The following PPP2R5E variants were observed in gnomAD, a reference collection of about 807,000 sequenced individuals.
The protein encoded by PPP2R5E is serine/threonine-protein phosphatase 2A 56 kDa regulatory subunit epsilon isoform.
A neutral mutation model predicts 65.3 loss-of-function variants in PPP2R5E; 4 were observed. The ratio of observed to expected loss-of-function variants is 0.06; its 90% confidence interval spans 0.03 to 0.14. PPP2R5E has a LOEUF of 0.14. Among genes scored for constraint, PPP2R5E ranks in the 10% least tolerant of loss-of-function variants. The pLI, the probability that PPP2R5E is intolerant of heterozygous loss-of-function variation, is 1.00. For synonymous variants in PPP2R5E, 183 were observed against 187.4 expected (o/e 0.98, Z 0.19); for missense variants, 274 against 556.1 (o/e 0.49, Z 5.10).
intron 11 of PPP2R5E, among the ~76,000 whole-genome samples, chr14:63,387,089 C>G (rs998491039): frequency 6.6e-6 from 1 of 152,068 alleles, no homozygotes; most frequent in Admixed American, 6.5e-5. Context: ...AATGACGTAA[C>G]TGACACAGAT....
At chr14:63,381,185 T>C (rs1310780183) in intron 13 of PPP2R5E, among the ~76,000 whole-genome samples, 4 of 152,250 alleles carry the variant, frequency 2.6e-5, no homozygotes, top group Non-Finnish European at 5.9e-5. Flanking sequence ...TAAGCATTTA[T>C]TGCAAAGAGT....
intron 4 of PPP2R5E, among the ~76,000 whole-genome samples, chr14:63,417,009 T>A (rs1886731504): frequency 6.6e-6 from 1 of 152,230 alleles, no homozygotes; most frequent in Admixed American, 6.5e-5. Flanking sequence ...TGTCATTTCT[T>A]AAAGATTAGT....
chr14:63,495,906 G>A (rs1891536568), intron 2 of PPP2R5E, among the ~76,000 whole-genome samples: 1 of 151,884 alleles, frequency 6.6e-6, no homozygotes, highest in African/African-American at 2.4e-5. Context: ...GCCCGAGCTG[G>A]TCCCAACTCC....
intron 2 of PPP2R5E, among the ~76,000 whole-genome samples, chr14:63,498,367 A>ATTTCTTTTCT (rs56873987): frequency 3.3e-5 from 5 of 151,396 alleles, no homozygotes; most frequent in East Asian, 1.9e-4. Context: ...TCTTGACATC[A>ATTTCTTTTCT]TTTCTTTTCT....
At chr14:63,410,005 T>C (rs774140474) in intron 5 of PPP2R5E, among the ~76,000 whole-genome samples, 4 of 152,192 alleles carry the variant, frequency 2.6e-5, no homozygotes, top group Non-Finnish European at 4.4e-5. Flanking sequence ...AACCCAAAGC[T>C]TCCTAACTTT....
intron 3 of PPP2R5E, 156 bp downstream of exon 3, chr14:63,453,527 CTTCAAA>C: frequency 1.9e-6 from 1 of 538,104 alleles, no homozygotes; most frequent in Non-Finnish European, 3.1e-6. Context: ...AAATCATGCT[CTTCAAA>C]TTCTAGCACT....
chr14:63,468,784 A>C (rs1384562103), intron 2 of PPP2R5E, among the ~76,000 whole-genome samples: 1 of 152,222 alleles, frequency 6.6e-6, no homozygotes, highest in African/African-American at 2.4e-5. Flanking sequence ...ATATATACTA[A>C]CTAAAAGTAA....
At chr14:63,426,092 T>C (rs1422227469) in intron 3 of PPP2R5E, among the ~76,000 whole-genome samples, 1 of 152,222 alleles carries the variant, frequency 6.6e-6, no homozygotes, top group East Asian at 1.9e-4. Context: ...TTGACTGGAT[T>C]GGTGAAGTAG....
chr14:63,539,733 G>C, intron 1 of PPP2R5E, 41 bp from the exon 2 acceptor site: 1 of 1,556,302 alleles, frequency 6.4e-7, no homozygotes. Flanking sequence ...CATTCCCAAG[G>C]TGGAAGCATA....
chr14:63,468,766 T>C (rs1386980049), intron 2 of PPP2R5E, among the ~76,000 whole-genome samples: 1 of 152,224 alleles, frequency 6.6e-6, no homozygotes. Flanking sequence ...TCACAAATAT[T>C]AATACTTATA....
chr14:63,478,041 A>G (rs1890493654), intron 2 of PPP2R5E, among the ~76,000 whole-genome samples: 1 of 152,212 alleles, frequency 6.6e-6, no homozygotes, highest in Non-Finnish European at 1.5e-5. Context: ...AATAAAAATG[A>G]CATAGCTTCA....
chr14:63,465,034 A>G (rs796261211), intron 2 of PPP2R5E, among the ~76,000 whole-genome samples: 4 of 77,770 alleles, frequency 5.1e-5, no homozygotes, highest in South Asian at 3.3e-4. Flanking sequence ...AGAAGAAGAA[A>G]AAAAAAAAAA....
At chr14:63,531,701 C>T (rs1428160236) in intron 2 of PPP2R5E, among the ~76,000 whole-genome samples, 2 of 151,578 alleles carry the variant, frequency 1.3e-5, no homozygotes, top group African/African-American at 4.8e-5. Context: ...TGCCTGTAAT[C>T]CCAGCACTTT....
intron 5 of PPP2R5E, among the ~76,000 whole-genome samples, chr14:63,402,814 G>A (rs1348744736): frequency 6.6e-6 from 1 of 151,806 alleles, no homozygotes; most frequent in African/African-American, 2.4e-5. Context: ...AGAAAATGAA[G>A]AGAAGGAAAT....
Position 63,543,251 on chromosome 14 carries a change from G to A in PPP2R5E, c.-480C>T. 6.5e-6 allele frequency: 1 copy of A among 153,712 alleles called. No individual in the cohort carries two copies. Among genetic ancestry groups the A allele is most frequent in the Non-Finnish European group, 1.5e-5 (1 of 68,892 alleles). The allele number at this position is 153,712 out of a possible 1,614,324, so 9.5% of individuals were successfully genotyped here. ...AGGAGGAGCCGCAGGAGCTGGAGCCGCCGCTGCCAGAGCCACCTTTCGCTA... is the reference window on the plus strand; with the variant it reads ...AGGAGGAGCCGCAGGAGCTGGAGCCACCGCTGCCAGAGCCACCTTTCGCTA... On this transcript the variant is annotated 5_prime_UTR_variant, in exon 1 of 14. Transcript: ENST00000337537.
chr14:63,499,490 C>T (rs571302328), intron 2 of PPP2R5E, among the ~76,000 whole-genome samples: 5 of 152,038 alleles, frequency 3.3e-5, no homozygotes, highest in Admixed American at 6.6e-5. Flanking sequence ...TTTGGGAGGC[C>T]GAGGTGGGTG....
chr14:63,384,916 G>C (rs535957756), intron 11 of PPP2R5E, among the ~76,000 whole-genome samples: 94 of 152,106 alleles, frequency 6.2e-4, no homozygotes, highest in African/African-American at 1.8e-3. Context: ...GGATGGTCTC[G>C]ATCTCCTGAC....
intron 2 of PPP2R5E, among the ~76,000 whole-genome samples, chr14:63,510,997 G>A (rs913445002): frequency 6.6e-6 from 1 of 152,222 alleles, no homozygotes; most frequent in Non-Finnish European, 1.5e-5. Context: ...AATAAAGACA[G>A]TATCCATTGA....
intron 2 of PPP2R5E, among the ~76,000 whole-genome samples, chr14:63,505,428 A>C (rs1373544488): frequency 6.6e-6 from 1 of 152,184 alleles, no homozygotes; most frequent in Non-Finnish European, 1.5e-5. Flanking sequence ...GAAATCCCAT[A>C]AACACCATGG....
Sources: gnomAD v4.1 joint callset for allele counts (sites outside exome capture counted in the v4.1 genomes callset) on GRCh38, gnomAD v4.1.1 for gene constraint, MANE v1.5 for transcripts, NCBI Gene and HGNC (gene_info 2026-07-23, HGNC 2026-07-21) for gene names.